Variants in PALMD observed in about 807,000 individuals in gnomAD.
PALMD encodes the protein palmdelphin.
Under a neutral mutation model 56.2 loss-of-function variants are expected in PALMD, and 42 were observed. The ratio of observed to expected loss-of-function variants is 0.75; its 90% CI spans 0.58 to 0.97. The LOEUF (loss-of-function observed/expected upper bound fraction) is 0.97. Ranked by LOEUF, PALMD falls within the 50% of genes least tolerant of loss-of-function variation. PALMD has a pLI of 0.00. For missense variants in PALMD, 660 were observed against 643.8 expected, an observed-to-expected ratio of 1.03 and a Z score of -0.27; for synonymous variants, 242 against 222.9, an observed-to-expected ratio of 1.09 and a Z score of -0.76.
chr1:99,692,155 G>A (rs1387018977), intron 7 of PALMD, among the ~76,000 whole-genome samples: 1 of 152,178 alleles, frequency 6.6e-6, no homozygotes, highest in East Asian at 1.9e-4. Flanking sequence ...CAATCAGGGG[G>A]TAGTAGTTGG....
At chr1:99,687,777 G>T (rs1232605115) in intron 6 of PALMD, among the ~76,000 whole-genome samples, 2 of 152,076 alleles carry the variant, frequency 1.3e-5, no homozygotes, top group African/African-American at 4.8e-5. Context: ...GCACATAGTA[G>T]GTATTCACTA....
intron 7 of PALMD, 25 bp downstream of exon 7, chr1:99,689,897 A>G (rs1653616242): frequency 1.3e-6 from 2 of 1,561,644 alleles, no homozygotes; most frequent in South Asian, 1.2e-5. Context: ...AAGGCATGCC[A>G]CTGCTGTTCA....
Position 99,686,715 on chromosome 1 carries a change from G to A in PALMD, c.291G>A (p.Leu97=), listed in dbSNP as rs140475830. 2.9e-5 allele frequency: 46 copies of A among 1,607,184 alleles called. No homozygotes were observed. The African/African-American group carries it at 5.5e-4, about 19-fold the overall frequency. The part of the protein sequence containing the change: ...KEIQDLEKAE[L]QISTKEEAIL... ...TCCAAGATCTTGAAAAAGCTGAACT[G>A]CAAATCTCAACGAAGGAAGAGGCCA... The change falls in exon 4 of 8, where the codon CTG becomes CTA. Residue 97 remains leucine (L), a synonymous_variant. Coordinates refer to ENST00000263174, the MANE Select transcript of PALMD (RefSeq NM_017734.5).
At position 99,687,283 on chromosome 1, in the gene PALMD, G is replaced by C. The variant is rs558364318; in HGVS notation, c.514+94G>C. 1,725 of 1,367,336 alleles carry C rather than the reference G, an allele frequency of 1.3e-3. 3 individuals are homozygous for C. Among genetic ancestry groups the C allele is most frequent in the Admixed American group, 1.9e-3 (70 of 36,518 alleles). 84.7% of individuals were successfully genotyped at this position (1,367,336 alleles called of 1,614,324 possible). ...CTTGCTATGACATATTATTCTTCCA[G>C]GTTAAGCAATGGTTCACTTTACAAA... is the stretch of plus-strand genomic sequence containing the variant. On this transcript the variant is annotated intron_variant, in intron 6 of 7. Transcript: ENST00000263174.
chr1:99,656,765 T>A (rs1387190439), intron 1 of PALMD, among the ~76,000 whole-genome samples: 1 of 152,176 alleles, frequency 6.6e-6, no homozygotes, highest in Non-Finnish European at 1.5e-5. Context: ...GAAGATCTTC[T>A]TACTAGTCTT....
At chr1:99,665,914 C>A (rs1652949399) in intron 2 of PALMD, among the ~76,000 whole-genome samples, 1 of 152,082 alleles carries the variant, frequency 6.6e-6, no homozygotes. Flanking sequence ...AACATTTTTG[C>A]AAACAGCTAA....
intron 6 of PALMD, 116 bp from the exon 7 acceptor site, chr1:99,688,659 A>C: frequency 1.5e-6 from 1 of 658,842 alleles, no homozygotes; most frequent in Non-Finnish European, 2.6e-6. Context: ...AATAGACAAC[A>C]TCTCACATAC....
intron 2 of PALMD, among the ~76,000 whole-genome samples, chr1:99,666,719 A>G (rs1228558125): frequency 6.6e-6 from 1 of 152,176 alleles, no homozygotes; most frequent in Non-Finnish European, 1.5e-5. Context: ...AAAAAGAGAA[A>G]CTTGAGCTCC....
At chr1:99,656,049 G>A (rs1019679201) in intron 1 of PALMD, among the ~76,000 whole-genome samples, 6 of 151,916 alleles carry the variant, frequency 3.9e-5, no homozygotes, top group Non-Finnish European at 7.4e-5. Flanking sequence ...ACTATTACAA[G>A]GTGTCACCAT....
At chr1:99,677,260 G>A (rs1653237264) in intron 3 of PALMD, among the ~76,000 whole-genome samples, 1 of 151,964 alleles carries the variant, frequency 6.6e-6, no homozygotes, top group South Asian at 2.1e-4. Context: ...AAAAAATTAT[G>A]AAAAATCTCA....
At chr1:99,662,830 T>A (rs12096140) in intron 2 of PALMD, among the ~76,000 whole-genome samples, 1,622 of 152,302 alleles carry the variant, frequency 0.011, 29 homozygotes, top group African/African-American at 0.037. Flanking sequence ...ATTTAAAAGT[T>A]CAGTGCAATG....
At chr1:99,672,428 C>T (rs763670013) in intron 3 of PALMD, among the ~76,000 whole-genome samples, 10 of 152,318 alleles carry the variant, frequency 6.6e-5, no homozygotes, top group Middle Eastern at 3.4e-3. Flanking sequence ...GGCACAGGTG[C>T]ACTGATTTTT....
At chr1:99,660,503 T>G (rs1249393959) in intron 1 of PALMD, among the ~76,000 whole-genome samples, 1 of 152,202 alleles carries the variant, frequency 6.6e-6, no homozygotes, top group Non-Finnish European at 1.5e-5. Flanking sequence ...AAAGTACAAT[T>G]AATATTTGCT....
intron 7 of PALMD, among the ~76,000 whole-genome samples, chr1:99,690,772 A>G (rs146773162): frequency 0.018 from 2,685 of 152,260 alleles, 23 homozygotes; most frequent in Middle Eastern, 0.041. Context: ...TTTGCTAGGG[A>G]TAGTAATTTT....
At chr1:99,683,523 T>G (rs1227361003) in intron 3 of PALMD, 1 of 152,228 alleles carries the variant, frequency 6.6e-6, no homozygotes, top group Non-Finnish European at 1.5e-5. Flanking sequence ...TCTTATCCCC[T>G]GCATGTAATC....
intron 1 of PALMD, among the ~76,000 whole-genome samples, chr1:99,651,462 T>C (rs1571057777): frequency 1.3e-5 from 2 of 152,330 alleles, no homozygotes; most frequent in East Asian, 3.9e-4. Flanking sequence ...TTTAGAAAAC[T>C]GTGATTAAAA....
intron 3 of PALMD, among the ~76,000 whole-genome samples, chr1:99,681,246 A>G (rs1422488706): frequency 6.6e-6 from 1 of 151,868 alleles, no homozygotes; most frequent in Non-Finnish European, 1.5e-5. Flanking sequence ...GAATATATAT[A>G]TTTTTTCTAT....
chr1:99,663,553 C>CCTCT (rs148984335), intron 2 of PALMD, among the ~76,000 whole-genome samples: 1 of 150,844 alleles, frequency 6.6e-6, no homozygotes, highest in Non-Finnish European at 1.5e-5. Flanking sequence ...GCTCTCCTTT[C>CCTCT]CTCTCTCTCT....
chr1:99,650,075 A>G (rs1388482985), intron 1 of PALMD, among the ~76,000 whole-genome samples: 1 of 152,096 alleles, frequency 6.6e-6, no homozygotes, highest in Non-Finnish European at 1.5e-5. Context: ...GTAAGTTAAA[A>G]TAGAGTGGTC....
Sources: gnomAD v4.1 joint callset for allele counts (sites outside exome capture counted in the v4.1 genomes callset) on GRCh38, gnomAD v4.1.1 for gene constraint, MANE v1.5 for transcripts, NCBI Gene and HGNC (gene_info 2026-07-23, HGNC 2026-07-21) for gene names.